ACOX3: variants seen among roughly 807,000 people sequenced by gnomAD.
The protein encoded by ACOX3 is acyl-CoA oxidase 3, pristanoyl.
In ACOX3, 73 loss-of-function variants were observed where a neutral mutation model predicts 81.5. The ratio of observed to expected loss-of-function variants is 0.90; its 90% confidence interval spans 0.74 to 1.09. The LOEUF is 1.09. ACOX3 is among the 50% of genes least tolerant of loss of function. ACOX3 has a pLI of 0.00. For missense variants in ACOX3, 947 were observed against 928.0 expected, an observed-to-expected ratio of 1.02 and a Z score of -0.27; for synonymous variants, 387 against 375.1, an observed-to-expected ratio of 1.03 and a Z score of -0.37.
At chr4:8,392,967 C>G (rs1719181333) in intron 10 of ACOX3, 1 of 152,344 alleles carries the variant, frequency 6.6e-6, no homozygotes, top group African/African-American at 2.4e-5. Flanking sequence ...TGTGGGGGCT[C>G]ACCGTGCCTC....
chr4:8,358,538 T>C, the ACOX3 span, among the ~76,000 whole-genome samples: 1 of 152,226 alleles, frequency 6.6e-6, no homozygotes, highest in Non-Finnish European at 1.5e-5. Context: ...CTGGGCTGCA[T>C]TCCCCGATGG....
chr4:8,429,987 A>C (rs1414358933), intron 1 of ACOX3, among the ~76,000 whole-genome samples: 2 of 152,206 alleles, frequency 1.3e-5, no homozygotes, highest in Admixed American at 1.3e-4. Context: ...AAAGATGGGC[A>C]GTGCAGCTCA....
chr4:8,437,448 T>C lies in ACOX3; in HGVS notation c.-15+3200A>G, dbSNP rs1724321137. ...TGTAAAAAAGAGAATCAGAAGAAAA[T>C]GGGAGAGACAGCAGTGCGCGGGGGC... On this transcript the variant is annotated intron_variant, in intron 1 of 17. Transcript: ENST00000356406. The surrounding 1 kb of genome is among the most constrained non-coding windows in gnomAD (Gnocchi z 5.2). Among the ~76,000 whole-genome samples the C allele has an allele frequency of 6.6e-6, 1 of 151,168 alleles. No individual in the cohort carries two copies. Among genetic ancestry groups the C allele is most frequent in the South Asian group, 2.1e-4 (1 of 4,790 alleles).
Position 8,397,027 on chromosome 4 carries a change from G to A in ACOX3, c.966C>T (p.Ala322=), listed in dbSNP as rs768573826. 1.2e-5 allele frequency: 20 copies of A among 1,611,598 alleles called. No individual in the cohort carries two copies. The highest frequency in any genetic ancestry group is 1.6e-4 in the Middle Eastern group (1 of 6,070). ...VSLAILNLKL[A]VAIALRFSAT... ...CTGAGAAGCGAAGAGCGATGGCCAC[G>A]GCCAGCTTTAGGTTAAGGATGGCCA... Residue 322 remains alanine (A), a synonymous_variant, in exon 9 of 18, where the codon GCC becomes GCT. Coordinates refer to ENST00000356406, the MANE Select transcript of ACOX3 (RefSeq NM_003501.3).
intron 14 of ACOX3, 21 bp from the exon 15 acceptor site, chr4:8,375,173 G>A (rs762440035): frequency 1.5e-5 from 23 of 1,510,912 alleles, no homozygotes; most frequent in South Asian, 2.5e-5. Context: ...GGACGGCACC[G>A]TGAGGACCGT....
At chr4:8,369,005 C>G (rs904717309) in intron 17 of ACOX3, among the ~76,000 whole-genome samples, 1 of 152,154 alleles carries the variant, frequency 6.6e-6, no homozygotes, top group African/African-American at 2.4e-5. Flanking sequence ...ATAAACCATC[C>G]TGCCAGCGAC....
At chr4:8,393,613 A>ACG (rs1224673369) in intron 10 of ACOX3, among the ~76,000 whole-genome samples, 202 of 115,726 alleles carry the variant, frequency 1.7e-3, no homozygotes, top group African/African-American at 6.1e-3. Context: ...AGACACACAC[A>ACG]CGCACACACA....
Position 8,416,342 on chromosome 4 carries a change from G to GA in ACOX3, c.144+35dup. 1 of 1,613,756 alleles carries GA rather than the reference G, an allele frequency of 6.2e-7. No individual in the cohort carries two copies. The highest frequency in any genetic ancestry group is 8.5e-7 in the Non-Finnish European group (1 of 1,179,998). On this transcript the variant is annotated intron_variant, in intron 2 of 17. Coordinates refer to ENST00000356406, the MANE Select transcript of ACOX3 (RefSeq NM_003501.3). This position sits in a 1 kb window ranked among gnomAD's most constrained non-coding sequence, Gnocchi z 4.2. ...TGCTAACGAACTAAGACCCCACTGG[G>GA]AAAAAAGACAAGCTGCGCACAACCG...
rs990068710 is a variant in ACOX3 at position 8,428,841 on chromosome 4, G to A, written c.-15+11807C>T. Among the ~76,000 whole-genome samples the A allele has an allele frequency of 1.8e-4, 27 of 152,180 alleles. 1 individual carries two copies. The highest frequency in any genetic ancestry group is 4.4e-5 in the Non-Finnish European group (3 of 68,034). On this transcript the variant is annotated intron_variant, in intron 1 of 17. Coordinates refer to ENST00000356406, the MANE Select transcript of ACOX3 (RefSeq NM_003501.3). ...TGTAATCCCAGCGCTTTCGGAGGCCGAGGCAGGAGGATCGCTTGAGGCCAG... is the reference window on the plus strand; with the variant it reads ...TGTAATCCCAGCGCTTTCGGAGGCCAAGGCAGGAGGATCGCTTGAGGCCAG...
chr4:8,396,433 T>C (rs1208813255), intron 9 of ACOX3, among the ~76,000 whole-genome samples: 1 of 152,050 alleles, frequency 6.6e-6, no homozygotes, highest in Admixed American at 6.5e-5. Flanking sequence ...TCCCAGCACT[T>C]TGGGAGGCTG....
intron 6 of ACOX3, among the ~76,000 whole-genome samples, chr4:8,410,006 A>C (rs1345498185): frequency 6.7e-6 from 1 of 148,504 alleles, no homozygotes; most frequent in African/African-American, 2.5e-5. Context: ...CATTGTGGGC[A>C]GGGCTGTGGA....
At chr4:8,425,999 G>T (rs189151199) in intron 1 of ACOX3, among the ~76,000 whole-genome samples, 6 of 152,122 alleles carry the variant, frequency 3.9e-5, no homozygotes, top group Non-Finnish European at 7.4e-5. Context: ...AACCCACCTC[G>T]CATGGCCTGC....
intron 14 of ACOX3, among the ~76,000 whole-genome samples, chr4:8,378,291 G>T (rs1717219456): frequency 6.6e-6 from 1 of 152,254 alleles, no homozygotes; most frequent in African/African-American, 2.4e-5. Flanking sequence ...CCCCGGCACG[G>T]GCGAGCTGGG....
chr4:8,382,861 A>G lies in ACOX3; in HGVS notation c.1538-1254T>C, dbSNP rs567229172. Among the ~76,000 whole-genome samples, 5 of 152,000 alleles carry G rather than the reference A, an allele frequency of 3.3e-5. No homozygotes were observed. Among genetic ancestry groups the G allele is most frequent in the African/African-American group, 1.2e-4 (5 of 41,400 alleles). On this transcript the variant is annotated intron_variant, in intron 13 of 17. Coordinates refer to ENST00000356406, the MANE Select transcript of ACOX3 (RefSeq NM_003501.3). This position sits in a 1 kb window ranked among gnomAD's most constrained non-coding sequence, Gnocchi z 4.1. ...CAAAAAATTAGCCGGGCGCAGTGGCAGGCGCCTGTAGTCCCAGCTACTCGG... is the reference window on the plus strand; with the variant it reads ...CAAAAAATTAGCCGGGCGCAGTGGCGGGCGCCTGTAGTCCCAGCTACTCGG...
Position 8,417,217 on chromosome 4 carries a change from G to A in ACOX3, c.-14-682C>T, listed in dbSNP as rs1312539740. ...GCTGATGAAGGCATTGAAGGGAATG[G>A]CTGGTGAACCCAAGTCTGTCTGAGT... On this transcript the variant is annotated intron_variant, in intron 1 of 17. Coordinates refer to ENST00000356406, the MANE Select transcript of ACOX3 (RefSeq NM_003501.3). Among the ~76,000 whole-genome samples, 3 of 152,366 alleles carry A rather than the reference G, an allele frequency of 2.0e-5. No individual in the cohort carries two copies. The East Asian group carries it at 5.8e-4, about 29-fold the overall frequency.
chr4:8,390,107 A>T (rs1476229754), intron 11 of ACOX3, among the ~76,000 whole-genome samples: 1 of 150,370 alleles, frequency 6.7e-6, no homozygotes, highest in Non-Finnish European at 1.5e-5. Context: ...TGTCTCAACA[A>T]CAACAACAAC....
In ACOX3 at chr4:8,392,459, G is replaced by C. The variant is rs1332040548; in HGVS notation, c.1180-6C>G. 3 of 1,560,396 alleles carry C rather than the reference G, an allele frequency of 1.9e-6. No individual in the cohort carries two copies. The highest frequency in any genetic ancestry group is 1.7e-6 in the Non-Finnish European group (2 of 1,157,300). On this transcript the variant is annotated splice_region_variant and splice_polypyrimidine_tract_variant and intron_variant, in intron 10 of 17. Transcript: ENST00000356406. The stretch of plus-strand genomic sequence containing the variant: ...ATCTCACGTCCAAGCTCTGCCTTTG[G>C]GTGAGGGAATCCAACAAGAACAGGT...
At position 8,407,602 on chromosome 4, in the gene ACOX3, G is replaced by A. The variant is rs549886614; in HGVS notation, c.688-1559C>T. On this transcript the variant is annotated intron_variant, in intron 6 of 17. Coordinates refer to ENST00000356406, the MANE Select transcript of ACOX3 (RefSeq NM_003501.3). This position sits in a 1 kb window ranked among gnomAD's most constrained non-coding sequence, Gnocchi z 4.6. The stretch of plus-strand genomic sequence containing the variant: ...GCCATGAGAGACTAACACGGGGGCC[G>A]GTGCTGCCGGGAGGACGTCGGGAAT... Among the ~76,000 whole-genome samples the A allele has an allele frequency of 6.6e-6, 1 of 152,228 alleles. No individual in the cohort carries two copies. The highest frequency in any genetic ancestry group is 2.1e-4 in the South Asian group (1 of 4,828).
chr4:8,413,454 G>A (rs1399791817), intron 5 of ACOX3, among the ~76,000 whole-genome samples: 1 of 132,076 alleles, frequency 7.6e-6, no homozygotes, highest in Non-Finnish European at 1.6e-5. Context: ...CCCCTCCACA[G>A]CACTGACAGC....
Sources: allele counts gnomAD v4.1 joint callset (sites outside exome capture counted in the v4.1 genomes callset), GRCh38; gene constraint gnomAD v4.1.1; non-coding constraint Gnocchi (gnomAD v3.1); transcripts MANE v1.5; gene names NCBI Gene and HGNC (gene_info 2026-07-23, HGNC 2026-07-21).